Variants in RBFOX1 observed in about 807,000 individuals in gnomAD.
RBFOX1 encodes RNA binding protein fox-1 homolog 1.
In RBFOX1, 8 loss-of-function variants were observed where a neutral mutation model predicts 57.7. The observed-to-expected ratio is 0.14, with a 90% CI of 0.08 to 0.25. The LOEUF (loss-of-function observed/expected upper bound fraction) is 0.25, where lower values mean the gene tolerates loss of function less well. Among genes scored for constraint, RBFOX1 ranks in the 10% least tolerant of loss-of-function variants. RBFOX1 has a pLI of 1.00. For synonymous variants in RBFOX1, 326 were observed against 222.4 expected (o/e 1.47, Z -4.15); for missense variants, 611 against 548.5 (o/e 1.11, Z -1.14).
At chr16:6,255,529 C>G (rs1190768967) in intron 1 of RBFOX1, among the ~76,000 whole-genome samples, 1 of 152,044 alleles carries the variant, frequency 6.6e-6, no homozygotes, top group African/African-American at 2.4e-5. Flanking sequence ...AGGACCCCTC[C>G]TCATACAAAT....
At chr16:7,509,053 A>G (rs2079002035) in intron 4 of RBFOX1, among the ~76,000 whole-genome samples, 1 of 152,226 alleles carries the variant, frequency 6.6e-6, no homozygotes, top group Admixed American at 6.5e-5. Context: ...AGCTTTAAAT[A>G]AAGAGGCTGC....
chr16:5,799,981 A>C (rs2055006231), intron 3 of RBFOX1, among the ~76,000 whole-genome samples: 1 of 152,132 alleles, frequency 6.6e-6, no homozygotes, highest in Non-Finnish European at 1.5e-5. Context: ...ATGAATATGC[A>C]TGTCTCCCAA....
intron 1 of RBFOX1, among the ~76,000 whole-genome samples, chr16:5,307,494 C>T (rs1439537068): frequency 1.3e-5 from 2 of 152,144 alleles, no homozygotes; most frequent in East Asian, 1.9e-4. Flanking sequence ...ACCACTTCCC[C>T]TCCTTATGCC....
chr16:5,663,639 A>G (rs1422157909), intron 3 of RBFOX1, among the ~76,000 whole-genome samples: 1 of 152,204 alleles, frequency 6.6e-6, no homozygotes, highest in Non-Finnish European at 1.5e-5. Flanking sequence ...GAAGGTAGCC[A>G]GCAGCTGTAA....
intron 3 of RBFOX1, among the ~76,000 whole-genome samples, chr16:6,955,750 C>G (rs574009140): frequency 4.6e-5 from 7 of 151,246 alleles, no homozygotes; most frequent in Non-Finnish European, 1.0e-4. Flanking sequence ...GTTCCCCAAG[C>G]TGGAGTGCAG....
chr16:5,404,282 C>G (rs1480404309), intron 1 of RBFOX1, among the ~76,000 whole-genome samples: 2 of 152,128 alleles, frequency 1.3e-5, no homozygotes, highest in South Asian at 2.1e-4. Flanking sequence ...CACGTGTACC[C>G]CATACATTTG....
chr16:7,382,798 C>T (rs146520287), intron 4 of RBFOX1, among the ~76,000 whole-genome samples: 1 of 152,288 alleles, frequency 6.6e-6, no homozygotes, highest in Non-Finnish European at 1.5e-5. Flanking sequence ...ATGGAGAAGC[C>T]AAGAGGAATA....
intron 4 of RBFOX1, among the ~76,000 whole-genome samples, chr16:7,418,903 G>A (rs573767024): frequency 6.6e-6 from 1 of 151,424 alleles, no homozygotes; most frequent in Admixed American, 6.6e-5. Flanking sequence ...TGTTGTTTCT[G>A]TTTGTTTTGT....
intron 4 of RBFOX1, among the ~76,000 whole-genome samples, chr16:7,414,927 T>TA (rs2149205336): frequency 6.6e-6 from 1 of 152,310 alleles, no homozygotes; most frequent in South Asian, 2.1e-4. Flanking sequence ...CCCTTATTTC[T>TA]AATCCCTGTA....
At chr16:5,978,384 G>T (rs139628012) in intron 4 of RBFOX1, among the ~76,000 whole-genome samples, 20 of 152,184 alleles carry the variant, frequency 1.3e-4, no homozygotes, top group Admixed American at 2.6e-4. Flanking sequence ...TGGATTTGCA[G>T]AAATGTTTCC....
chr16:5,674,959 C>T (rs1045307448), intron 3 of RBFOX1, among the ~76,000 whole-genome samples: 1 of 152,030 alleles, frequency 6.6e-6, no homozygotes, highest in Non-Finnish European at 1.5e-5. Context: ...CCAGCCTGGA[C>T]AACACAGCAA....
chr16:6,276,818 CT>C (rs60771173), intron 1 of RBFOX1, among the ~76,000 whole-genome samples: 129,992 of 147,872 alleles, frequency 0.88, 57,492 homozygotes, highest in East Asian at 0.93. Context: ...CTTTTCTTTG[CT>C]TTTTTTTTTT....
At chr16:5,988,104 A>G (rs982030134) in intron 4 of RBFOX1, among the ~76,000 whole-genome samples, 3 of 152,148 alleles carry the variant, frequency 2.0e-5, no homozygotes, top group African/African-American at 7.2e-5. Flanking sequence ...GAAAATTCAG[A>G]CCCGATTCAA....
intron 3 of RBFOX1, among the ~76,000 whole-genome samples, chr16:6,665,232 A>T (rs778038392): frequency 3.4e-5 from 5 of 145,564 alleles, no homozygotes; most frequent in Non-Finnish European, 7.9e-5. Context: ...TCACTTAGCT[A>T]TAAAGGGCGA....
chr16:5,931,743 C>A (rs772860011), intron 4 of RBFOX1, among the ~76,000 whole-genome samples: 19 of 152,230 alleles, frequency 1.2e-4, no homozygotes, highest in Middle Eastern at 3.4e-3. Flanking sequence ...CCCTGAGATT[C>A]CCTACCCGTC....
chr16:6,473,516 A>G (rs968897263), intron 2 of RBFOX1, among the ~76,000 whole-genome samples: 2 of 152,074 alleles, frequency 1.3e-5, no homozygotes, highest in Non-Finnish European at 2.9e-5. Flanking sequence ...CTAGAACATA[A>G]GCTACATGAG....
chr16:7,320,449 G>A (rs1300879545), intron 4 of RBFOX1, among the ~76,000 whole-genome samples: 2 of 152,180 alleles, frequency 1.3e-5, no homozygotes, highest in African/African-American at 4.8e-5. Flanking sequence ...TGGTGGGTAT[G>A]TACCACATTT....
intron 3 of RBFOX1, among the ~76,000 whole-genome samples, chr16:5,775,386 C>T (rs1038201134): frequency 6.6e-6 from 1 of 152,168 alleles, no homozygotes; most frequent in African/African-American, 2.4e-5. Flanking sequence ...GCAGGTGGAA[C>T]AGAGGGGGTC....
chr16:5,517,618 G>A (rs2043840132), intron 2 of RBFOX1, among the ~76,000 whole-genome samples: 1 of 152,154 alleles, frequency 6.6e-6, no homozygotes, highest in African/African-American at 2.4e-5. Flanking sequence ...CCTAAGATGT[G>A]TGATTGAGGA....
Sources: allele counts gnomAD v4.1 joint callset (sites outside exome capture counted in the v4.1 genomes callset), GRCh38; gene constraint gnomAD v4.1.1; transcripts MANE v1.5; gene names NCBI Gene and HGNC (gene_info 2026-07-23, HGNC 2026-07-21).